Variants in EARS2 observed in about 807,000 individuals in gnomAD.
The protein encoded by EARS2 is glutamyl-tRNA synthetase 2, mitochondrial.
EARS2 carries 50 observed loss-of-function variants against 54.1 expected under a neutral mutation model. The observed-to-expected ratio is 0.92, with a 90% CI of 0.74 to 1.17. The LOEUF (loss-of-function observed/expected upper bound fraction) is 1.17, where lower values mean the gene tolerates loss of function less well. Ranked by LOEUF, EARS2 falls within the 50% of genes most tolerant of loss-of-function variation. The pLI is 0.00. For missense variants in EARS2, 673 were observed against 675.0 expected (o/e 1.00, Z 0.03); for synonymous variants, 298 against 281.0 (o/e 1.06, Z -0.61).
intron 1 of EARS2, among the ~76,000 whole-genome samples, chr16:23,555,838 G>A (rs964637683): frequency 6.6e-6 from 1 of 152,184 alleles, no homozygotes; most frequent in Non-Finnish European, 1.5e-5. Flanking sequence ...TGGGCCACAT[G>A]CCCGGCTAAT....
At chr16:23,530,896 A>AT (rs35956690) in intron 5 of EARS2, among the ~76,000 whole-genome samples, 194 of 143,584 alleles carry the variant, frequency 1.4e-3, no homozygotes, top group Non-Finnish European at 1.7e-3. Flanking sequence ...AGAAAGAGGC[A>AT]TTTTTTTTTT....
intron 2 of EARS2, among the ~76,000 whole-genome samples, chr16:23,550,383 AG>A (rs1422780847): frequency 2.0e-5 from 3 of 150,550 alleles, no homozygotes; most frequent in Non-Finnish European, 4.4e-5. Context: ...AAAAAAAAAA[AG>A]AAATAATTAA....
chr16:23,539,064 A>T (rs965087563), intron 3 of EARS2, among the ~76,000 whole-genome samples: 1 of 139,642 alleles, frequency 7.2e-6, no homozygotes, highest in Non-Finnish European at 1.5e-5. Flanking sequence ...TGCAACCTCC[A>T]TCTCCCTAGT....
chr16:23,554,582 T>C (rs1389514259), intron 1 of EARS2, among the ~76,000 whole-genome samples: 2 of 152,180 alleles, frequency 1.3e-5, no homozygotes, highest in Non-Finnish European at 2.9e-5. Flanking sequence ...AAAGCTCTTC[T>C]GGGGCCAGGC....
rs1567376164 is a variant in EARS2, at chr16:23,523,671, T to A, written c.*700A>T. ...TGCCCAGCTGCTACGGGCTGAATTC[T>A]GTCCCCCTAAATTCTTACGTTGAGA... On this transcript the variant is annotated 3_prime_UTR_variant, in exon 9 of 9. Coordinates refer to ENST00000449606, the MANE Select transcript of EARS2 (RefSeq NM_001083614.2). The A allele has an allele frequency of 6.6e-6, 1 of 152,286 alleles. No homozygotes were observed. Among genetic ancestry groups the A allele is most frequent in the Non-Finnish European group, 1.5e-5 (1 of 68,108 alleles). 9.4% of individuals were successfully genotyped at this position (152,286 alleles called of 1,614,324 possible). A position where few individuals can be genotyped will look rare whatever the true frequency, so the allele number is the denominator to read the frequency against.
chr16:23,539,211 C>T (rs1965473901), intron 3 of EARS2, among the ~76,000 whole-genome samples: 1 of 151,962 alleles, frequency 6.6e-6, no homozygotes, highest in African/African-American at 2.4e-5. Flanking sequence ...CCTTTTTTTG[C>T]TCATAAGAGC....
chr16:23,542,177 A>T (rs961195523), intron 3 of EARS2, among the ~76,000 whole-genome samples: 32 of 151,768 alleles, frequency 2.1e-4, no homozygotes, highest in African/African-American at 7.0e-4. Flanking sequence ...TATTTTTAGT[A>T]AAGATGGGGT....
intron 2 of EARS2, among the ~76,000 whole-genome samples, chr16:23,548,614 A>C (rs540224349): frequency 6.6e-6 from 1 of 152,044 alleles, no homozygotes; most frequent in East Asian, 1.9e-4. Context: ...ACAGGGTCTC[A>C]CACTGTCGCT....
chr16:23,557,179 T>G (rs1307239683), intron 1 of EARS2, 26 bp downstream of exon 1: 1 of 1,504,948 alleles, frequency 6.6e-7, no homozygotes, highest in African/African-American at 1.4e-5. Flanking sequence ...GGCCTCGGCC[T>G]GTAGCGTCAC....
rs745418385 is a variant in EARS2, at chr16:23,542,316, C to CTT, written c.485+2196_485+2197dup. Among the ~76,000 whole-genome samples, 770 of 93,688 alleles carry CTT rather than the reference C, an allele frequency of 8.2e-3. 54 individuals carry two copies. Among genetic ancestry groups the CTT allele is most frequent in the African/African-American group, 0.024 (619 of 25,302 alleles). The allele number at this position is 93,688 out of a possible 152,430, so 61.5% of individuals were successfully genotyped here. On this transcript the variant is annotated intron_variant, in intron 3 of 8. Coordinates refer to ENST00000449606, the MANE Select transcript of EARS2 (RefSeq NM_001083614.2). ...GGCCCTTTGTGGACCTTTCATTTTT[C>CTT]TTTTTTTTTTTTTTTTTTTTTGAGA...
chr16:23,555,466 C>A (rs577884638), intron 1 of EARS2, among the ~76,000 whole-genome samples: 1 of 152,072 alleles, frequency 6.6e-6, no homozygotes, highest in Non-Finnish European at 1.5e-5. Flanking sequence ...CCAGCCTGGA[C>A]GACAGACAGA....
At chr16:23,526,270 G>A (rs1047691490) in intron 7 of EARS2, among the ~76,000 whole-genome samples, 2 of 151,490 alleles carry the variant, frequency 1.3e-5, no homozygotes, top group Admixed American at 1.3e-4. Flanking sequence ...GTGCCACCAC[G>A]CCCAGCTAAT....
intron 2 of EARS2, among the ~76,000 whole-genome samples, chr16:23,548,231 C>CTCAA (rs1555504406): frequency 3.6e-5 from 2 of 56,326 alleles, no homozygotes; most frequent in Admixed American, 2.4e-4. Context: ...GAGACTCCAT[C>CTCAA]TCAATAAATA....
chr16:23,529,939 A>C, intron 5 of EARS2, 42 bp from the exon 6 acceptor site: 1 of 1,601,886 alleles, frequency 6.2e-7, no homozygotes, highest in East Asian at 2.2e-5. Flanking sequence ...TCAACACCCC[A>C]ACCCACCCAA....
At chr16:23,528,058 G>A (rs1965260699) in intron 7 of EARS2, among the ~76,000 whole-genome samples, 2 of 152,100 alleles carry the variant, frequency 1.3e-5, no homozygotes, top group South Asian at 2.1e-4. Flanking sequence ...CCTCCACCAC[G>A]TGAGGATGCA....
At chr16:23,551,230 A>G (rs1965689602) in intron 2 of EARS2, among the ~76,000 whole-genome samples, 1 of 152,224 alleles carries the variant, frequency 6.6e-6, no homozygotes, top group African/African-American at 2.4e-5. Context: ...TTCACAGCTC[A>G]GCACTGGCCC....
Position 23,532,889 on chromosome 16 carries a change from T to C in EARS2, c.959-124A>G. The C allele has an allele frequency of 1.0e-5, 6 of 592,744 alleles. No homozygotes were observed. The South Asian group carries it at 1.2e-4, about 12-fold the overall frequency. The allele number at this position is 592,744 out of a possible 1,614,324, so 36.7% of individuals were successfully genotyped here. ...AGGTTGGAGTGCAATGGTACAATCC[T>C]AGCTCACTGTAACCTCAAACTCCCA... On this transcript the variant is annotated intron_variant, in intron 4 of 8. Coordinates refer to ENST00000449606, the MANE Select transcript of EARS2 (RefSeq NM_001083614.2).
At chr16:23,524,573 G>GGCTTGTGTT in intron 8 of EARS2, 119 bp from the exon 9 acceptor site, 1 of 829,920 alleles carries the variant, frequency 1.2e-6, no homozygotes, top group Non-Finnish European at 2.0e-6. Context: ...CCTGTGTTCT[G>GGCTTGTGTT]AGGATCAGTG....
At chr16:23,531,055 A>ATT (rs58745088) in intron 5 of EARS2, among the ~76,000 whole-genome samples, 142 of 133,730 alleles carry the variant, frequency 1.1e-3, no homozygotes, top group South Asian at 7.9e-3. Context: ...CGTCGGGCTG[A>ATT]TTTTTTTTTT....
Sources: allele counts gnomAD v4.1 joint callset (sites outside exome capture counted in the v4.1 genomes callset), GRCh38; gene constraint gnomAD v4.1.1; transcripts MANE v1.5; gene names NCBI Gene and HGNC (gene_info 2026-07-23, HGNC 2026-07-21).